The following DNAAF1 variants were observed in gnomAD, a reference collection of about 807,000 sequenced individuals.
The protein encoded by DNAAF1 is dynein assembly factor 1, axonemal.
A neutral mutation model predicts 71.1 loss-of-function variants in DNAAF1; 65 were observed. The observed-to-expected ratio is 0.91, with a 90% CI of 0.75 to 1.12. The LOEUF (loss-of-function observed/expected upper bound fraction) is 1.12. Ranked by LOEUF, DNAAF1 falls within the 50% of genes most tolerant of loss-of-function variation. DNAAF1 has a pLI of 0.00. For missense variants in DNAAF1, 1,178 were observed against 899.8 expected, an observed-to-expected ratio of 1.31 and a Z score of -3.96; for synonymous variants, 414 against 354.6, an observed-to-expected ratio of 1.17 and a Z score of -1.88.
chr16:84,174,477 C>T, intron 9 of DNAAF1, 192 bp from the exon 10 acceptor site: 1 of 1,467,770 alleles, frequency 6.8e-7, no homozygotes, highest in South Asian at 1.4e-5. Context: ...ATCCAGACAC[C>T]TGAGGTGGCA....
chr16:84,150,116 G>T (rs1051140324), intron 2 of DNAAF1, 135 bp from the exon 3 acceptor site: 2 of 667,524 alleles, frequency 3.0e-6, no homozygotes, highest in South Asian at 3.4e-5. Flanking sequence ...AGAAAAAGAC[G>T]AACTTAAAAT....
At chr16:84,173,015 C>G in intron 9 of DNAAF1, 1 of 992,514 alleles carries the variant, frequency 1.0e-6, no homozygotes, top group Non-Finnish European at 1.2e-6. Flanking sequence ...CCCCCAAGAA[C>G]TGTCCTTTGA....
At chr16:84,156,400 G>A (rs141540487) in intron 5 of DNAAF1, among the ~76,000 whole-genome samples, 3 of 152,332 alleles carry the variant, frequency 2.0e-5, no homozygotes, top group African/African-American at 4.8e-5. Flanking sequence ...TGATATCGGA[G>A]CCAGAGGCTG....
intron 1 of DNAAF1, 37 bp from the exon 2 acceptor site, chr16:84,148,970 C>G: frequency 3.1e-6 from 5 of 1,612,826 alleles, no homozygotes; most frequent in Non-Finnish European, 3.4e-6. Context: ...TGGCATATAT[C>G]TTGATCTCTA....
At chr16:84,151,203 A>C (rs752380340) in intron 3 of DNAAF1, among the ~76,000 whole-genome samples, 1 of 152,096 alleles carries the variant, frequency 6.6e-6, no homozygotes, top group Non-Finnish European at 1.5e-5. Context: ...TCTCTTCAGT[A>C]GCTGCTTGCT....
intron 6 of DNAAF1, among the ~76,000 whole-genome samples, chr16:84,163,104 A>G (rs146335709): frequency 1.2e-4 from 18 of 152,296 alleles, no homozygotes; most frequent in African/African-American, 4.3e-4. Flanking sequence ...TTGTCCATCA[A>G]CTTTCAGAAA....
At chr16:84,166,455 C>T (rs894984855) in intron 7 of DNAAF1, among the ~76,000 whole-genome samples, 7 of 149,286 alleles carry the variant, frequency 4.7e-5, no homozygotes, top group African/African-American at 1.5e-4. Flanking sequence ...TGGCTCACTG[C>T]AACCTCTGCC....
intron 1 of DNAAF1, among the ~76,000 whole-genome samples, chr16:84,145,915 G>A (rs1029311496): frequency 1.3e-5 from 2 of 151,888 alleles, no homozygotes; most frequent in Non-Finnish European, 2.9e-5. Flanking sequence ...GGCCAACATA[G>A]TGAAACCCTG....
chr16:84,153,705 T>C (rs920076617), intron 3 of DNAAF1, among the ~76,000 whole-genome samples: 5 of 152,186 alleles, frequency 3.3e-5, no homozygotes, highest in African/African-American at 4.8e-5. Flanking sequence ...GAATTACACA[T>C]TGATGACGAG....
intron 7 of DNAAF1, among the ~76,000 whole-genome samples, chr16:84,166,384 T>C (rs1173588690): frequency 1.4e-5 from 2 of 138,642 alleles, no homozygotes; most frequent in African/African-American, 2.7e-5. Context: ...TTTTTTTTTT[T>C]TTTTTTGGTT....
chr16:84,168,512 A>G (rs909823771), intron 7 of DNAAF1, among the ~76,000 whole-genome samples: 1 of 152,172 alleles, frequency 6.6e-6, no homozygotes, highest in African/African-American at 2.4e-5. Flanking sequence ...TCCTGGCCTC[A>G]AGCAGTCCTC....
intron 7 of DNAAF1, 163 bp downstream of exon 7, chr16:84,166,112 A>G: frequency 1.0e-6 from 1 of 978,774 alleles, no homozygotes; most frequent in South Asian, 1.5e-5. Context: ...GGAGTGCAGC[A>G]GTGTGATCTT....
At chr16:84,174,963 C>G (rs2088575018) in intron 10 of DNAAF1, 2 of 465,120 alleles carry the variant, frequency 4.3e-6, no homozygotes, top group African/African-American at 4.0e-5. Context: ...TCAAGCAATT[C>G]TCCTGTCTCA....
At chr16:84,161,875 C>G (rs141197441) in intron 6 of DNAAF1, among the ~76,000 whole-genome samples, 438 of 152,214 alleles carry the variant, frequency 2.9e-3, no homozygotes, top group African/African-American at 9.9e-3. Flanking sequence ...GACATATACT[C>G]ATTTCTTTGT....
intron 5 of DNAAF1, chr16:84,158,969 G>T: frequency 1.1e-6 from 1 of 938,028 alleles, no homozygotes; most frequent in Non-Finnish European, 1.3e-6. Context: ...GACCTCAAGT[G>T]ATCCACCCAC....
In DNAAF1 at chr16:84,149,117, G is replaced by C. The variant is rs2087062411; in HGVS notation, c.235G>C (p.Glu79Gln). 4 of 1,614,000 alleles carry C rather than the reference G, an allele frequency of 2.5e-6. No individual in the cohort carries two copies. Among genetic ancestry groups the C allele is most frequent in the Non-Finnish European group, 1.7e-6 (2 of 1,180,044 alleles). ...AGGTGGTCACTTCGCACACCCAAGA[G>C]AAGACAGGGAAGATCGGGGCCCCAG... ...GSGGHFAHPR[E>Q]DREDRGPRMT... Residue 79 changes from glutamate (E) to glutamine (Q), a missense_variant, in exon 2 of 12, where the codon GAA becomes CAA. By Grantham distance (29) the Glu-to-Gln change is conservative. Transcript: ENST00000378553.
At chr16:84,154,912 T>G in intron 4 of DNAAF1, 114 bp downstream of exon 4, 1 of 948,426 alleles carries the variant, frequency 1.1e-6, no homozygotes, top group Non-Finnish European at 1.6e-6. Flanking sequence ...TTTTGTCTTT[T>G]TTTTGTTTTT....
At position 84,148,596 on chromosome 16, in the gene DNAAF1, CTTTTTT is replaced by C. The variant is rs765676142; in HGVS notation, c.125-398_125-393del. Among the ~76,000 whole-genome samples the C allele has an allele frequency of 2.8e-4, 12 of 43,578 alleles. 2 individuals carry two copies. The Admixed American group carries it at 3.9e-3, about 14-fold the overall frequency. 28.6% of individuals were successfully genotyped at this position (43,578 alleles called of 152,430 possible). ...AAAGATTACTGTTCTCTCTCTCTCT[CTTTTTT>C]TTTTTTTTTTTTGGTGAGACGGGGT... On this transcript the variant is annotated intron_variant, in intron 1 of 11. Transcript: ENST00000378553.
chr16:84,174,634 C>G, intron 9 of DNAAF1, 35 bp from the exon 10 acceptor site: 2 of 1,614,088 alleles, frequency 1.2e-6, no homozygotes, highest in Non-Finnish European at 1.7e-6. Flanking sequence ...GTGCGTGTAC[C>G]TCCCTGGTGA....
Sources: gnomAD v4.1 joint callset for allele counts (sites outside exome capture counted in the v4.1 genomes callset) on GRCh38, gnomAD v4.1.1 for gene constraint, MANE v1.5 for transcripts, NCBI Gene and HGNC (gene_info 2026-07-23, HGNC 2026-07-21) for gene names.